The following CAST variants were observed in gnomAD, a reference collection of about 807,000 sequenced individuals.
CAST encodes the protein calpastatin, also known as MIR583 host.
A neutral mutation model predicts 119.6 loss-of-function variants in CAST; 76 were observed. The observed-to-expected ratio is 0.64, with a 90% CI of 0.53 to 0.77. The LOEUF (loss-of-function observed/expected upper bound fraction) is 0.77. CAST is among the 30% of genes least tolerant of loss of function. The pLI, the probability that CAST is intolerant of heterozygous loss-of-function variation, is 0.00. For synonymous variants in CAST, 319 were observed against 331.6 expected, an observed-to-expected ratio of 0.96 and a Z score of 0.41; for missense variants, 953 against 946.5, an observed-to-expected ratio of 1.01 and a Z score of -0.09.
chr5:96,076,012 T>C, the CAST span, among the ~76,000 whole-genome samples: 1 of 152,206 alleles, frequency 6.6e-6, no homozygotes, highest in Non-Finnish European at 1.5e-5. Flanking sequence ...GAACGTTGTC[T>C]GGGCATCCTA....
At chr5:96,487,154 G>C in the CAST span, among the ~76,000 whole-genome samples, 4 of 151,830 alleles carry the variant, frequency 2.6e-5, no homozygotes, top group African/African-American at 9.7e-5. Context: ...ATGTGGGGCA[G>C]TTCTGCACCA....
chr5:95,961,886 A>ACCCGCCCCACCCTCCGGCCCCGCGC, the CAST span: 6 of 827,112 alleles, frequency 7.3e-6, no homozygotes, highest in African/African-American at 1.9e-5. Flanking sequence ...CACCGCCGCC[A>ACCCGCCCCACCCTCCGGCCCCGCGC]CCCGCCCCAC....
chr5:96,335,451 A>G, the CAST span, among the ~76,000 whole-genome samples: 1 of 152,074 alleles, frequency 6.6e-6, no homozygotes, highest in Non-Finnish European at 1.5e-5. Context: ...AGCTTGCCTC[A>G]TTTGTTTCTG....
At chr5:96,728,025 T>C (rs1254812475) in intron 6 of CAST, among the ~76,000 whole-genome samples, 3 of 152,166 alleles carry the variant, frequency 2.0e-5, no homozygotes, top group African/African-American at 2.4e-5. Context: ...CACAGGAGGC[T>C]AGCTTCTGTT....
chr5:96,379,697 T>C, the CAST span: 23 of 152,322 alleles, frequency 1.5e-4, no homozygotes, highest in African/African-American at 5.3e-4. Context: ...TATTTTAAAA[T>C]ATTATTTTCT....
At chr5:96,524,578 G>T (rs1745569940), upstream of CAST, among the ~76,000 whole-genome samples, 1 of 152,154 alleles carries the variant, frequency 6.6e-6, no homozygotes, top group African/African-American at 2.4e-5. Context: ...TGGGATATTG[G>T]CCTTGAAGCA....
chr5:96,764,649 A>G (rs1013921886), intron 25 of CAST, among the ~76,000 whole-genome samples: 5 of 152,108 alleles, frequency 3.3e-5, no homozygotes, highest in African/African-American at 1.2e-4. Context: ...GCCGAGCTCC[A>G]TGGCTTCCCA....
chr5:96,638,550 G>T (rs1440010157), intron 1 of CAST, among the ~76,000 whole-genome samples: 1 of 152,172 alleles, frequency 6.6e-6, no homozygotes, highest in Non-Finnish European at 1.5e-5. Flanking sequence ...CAAACACCTT[G>T]GTGTTTTTTG....
the CAST span, among the ~76,000 whole-genome samples, chr5:96,040,046 C>T: frequency 2.0e-5 from 3 of 152,020 alleles, no homozygotes; most frequent in Non-Finnish European, 2.9e-5. Context: ...CTCTTATTTC[C>T]TTGAGTAGTG....
At chr5:96,748,710 A>G in intron 19 of CAST, 97 bp downstream of exon 19, 1 of 616,560 alleles carries the variant, frequency 1.6e-6, no homozygotes, top group South Asian at 2.1e-5. Flanking sequence ...GTCTGTTAGA[A>G]AGCCCAATAT....
At chr5:96,025,283 T>A in the CAST span, among the ~76,000 whole-genome samples, 1 of 152,208 alleles carries the variant, frequency 6.6e-6, no homozygotes, top group East Asian at 1.9e-4. Flanking sequence ...CTTCCTGGTT[T>A]ACAGATGATC....
At chr5:96,077,632 G>A in the CAST span, among the ~76,000 whole-genome samples, 1 of 152,064 alleles carries the variant, frequency 6.6e-6, no homozygotes, top group Non-Finnish European at 1.5e-5. Flanking sequence ...CCCTCTATTA[G>A]TTCCTGAAAT....
At chr5:96,542,870 T>A (rs1745939137) in intron 1 of CAST, among the ~76,000 whole-genome samples, 1 of 152,216 alleles carries the variant, frequency 6.6e-6, no homozygotes, top group African/African-American at 2.4e-5. Context: ...ATGGCAATCA[T>A]TAAAAAGTCA....
At chr5:96,490,166 A>G in the CAST span, among the ~76,000 whole-genome samples, 5 of 152,196 alleles carry the variant, frequency 3.3e-5, no homozygotes, top group Admixed American at 1.3e-4. Flanking sequence ...ACAAAGTTCA[A>G]AATACCTAAC....
intron 4 of CAST, among the ~76,000 whole-genome samples, chr5:96,724,955 T>C (rs1243800846): frequency 6.6e-6 from 1 of 152,236 alleles, no homozygotes; most frequent in Non-Finnish European, 1.5e-5. Context: ...TTTTTCATCC[T>C]GTTGCCTGAT....
intron 1 of CAST, among the ~76,000 whole-genome samples, chr5:96,601,248 G>T (rs755347442): frequency 1.2e-4 from 18 of 152,266 alleles, no homozygotes; most frequent in Non-Finnish European, 1.9e-4. Context: ...AGAATTTATT[G>T]TGTCTATCAC....
chr5:96,745,701 G>A (rs1581237657), intron 16 of CAST, among the ~76,000 whole-genome samples: 2 of 152,310 alleles, frequency 1.3e-5, no homozygotes, highest in African/African-American at 4.8e-5. Flanking sequence ...GCTTTTATTT[G>A]TAATGCAGCT....
Position 96,700,380 on chromosome 5 carries a change from T to TA in CAST, c.210+4479dup, listed in dbSNP as rs1369808749. On this transcript the variant is annotated intron_variant, in intron 3 of 31. Transcript: ENST00000675179. ...TAAACATAATATATCTATGGCAGGT[T>TA]AAAAAATATTATATAAGTAATGTAC... Among the ~76,000 whole-genome samples, 4 of 152,300 alleles carry TA rather than the reference T, an allele frequency of 2.6e-5. No individual in the cohort carries two copies. The South Asian group carries it at 8.3e-4, about 32-fold the overall frequency.
chr5:96,673,178 T>G (rs528317823), intron 1 of CAST, among the ~76,000 whole-genome samples: 74 of 152,330 alleles, frequency 4.9e-4, no homozygotes, highest in African/African-American at 1.8e-3. Flanking sequence ...TGAAAAAATA[T>G]GAATTACAGA....
Sources: gnomAD v4.1 joint callset for allele counts (sites outside exome capture counted in the v4.1 genomes callset) on GRCh38, gnomAD v4.1.1 for gene constraint, MANE v1.5 for transcripts, NCBI Gene and HGNC (gene_info 2026-07-23, HGNC 2026-07-21) for gene names.